The following CENPU variants were observed in gnomAD, a reference collection of about 807,000 sequenced individuals.
The protein encoded by CENPU is KSHV latent nuclear antigen interacting protein 1.
Under a neutral mutation model 56.7 loss-of-function variants are expected in CENPU, and 46 were observed. That is an observed-to-expected ratio of 0.81 (90% CI 0.64 to 1.04). The LOEUF is 1.04. Among genes scored for constraint, CENPU ranks in the 50% least tolerant of loss-of-function variants. The probability of loss-of-function intolerance (pLI) is 0.00; values close to 1 mark genes in which losing one functional copy is unlikely to be tolerated. For missense variants in CENPU, 510 were observed against 490.1 expected (o/e 1.04, Z -0.38); for synonymous variants, 166 against 163.0 (o/e 1.02, Z -0.14).
At chr4:184,716,740 C>A (rs6552805) in intron 5 of CENPU, 107 bp from the exon 6 acceptor site, 129,917 of 855,832 alleles carry the variant, frequency 0.15, 11,121 homozygotes, top group African/African-American at 0.26. Flanking sequence ...CTCACTTCTA[C>A]ACTTCAAAAT....
At chr4:184,714,036 C>A (rs1328440874) in intron 6 of CENPU, 1 of 152,266 alleles carries the variant, frequency 6.6e-6, no homozygotes, top group East Asian at 1.9e-4. Flanking sequence ...AATGGGGGCA[C>A]AGGACAAGGT....
chr4:184,699,665 T>A, intron 11 of CENPU: 5 of 1,220,428 alleles, frequency 4.1e-6, no homozygotes, highest in South Asian at 2.6e-5. Flanking sequence ...TGTGGCAGTC[T>A]CTCTTTTTTT....
chr4:184,732,248 T>TA (rs11393807), intron 1 of CENPU, among the ~76,000 whole-genome samples: 116,917 of 148,660 alleles, frequency 0.79, 46,598 homozygotes, highest in East Asian at 1. Context: ...GAATCACAGT[T>TA]AAAAAAAAAA....
intron 11 of CENPU, chr4:184,699,662 G>A: frequency 8.3e-7 from 1 of 1,208,040 alleles, no homozygotes; most frequent in Non-Finnish European, 1.1e-6. Context: ...TCCTGTGGCA[G>A]TCTCTCTTTT....
At chr4:184,710,364 C>T (rs1760881567) in intron 7 of CENPU, 184 bp from the exon 8 acceptor site, 1 of 405,140 alleles carries the variant, frequency 2.5e-6, no homozygotes. Flanking sequence ...CCCCTACATA[C>T]ACTTTCACTC....
At chr4:184,701,324 A>G (rs1760528508) in intron 10 of CENPU, among the ~76,000 whole-genome samples, 1 of 152,224 alleles carries the variant, frequency 6.6e-6, no homozygotes, top group South Asian at 2.1e-4. Context: ...ATTGTTAGAC[A>G]TTCATAATGT....
intron 2 of CENPU, among the ~76,000 whole-genome samples, chr4:184,729,787 A>G (rs7667409): frequency 0.18 from 27,119 of 152,168 alleles, 2,719 homozygotes; most frequent in African/African-American, 0.26. Flanking sequence ...AGTTCAATAT[A>G]CTGATACACC....
chr4:184,696,386 C>T (rs527997206), intron 12 of CENPU, among the ~76,000 whole-genome samples: 1 of 152,118 alleles, frequency 6.6e-6, no homozygotes, highest in Non-Finnish European at 1.5e-5. Context: ...AAGAACAGGA[C>T]GCTCATCAGG....
rs138563651 is a variant in CENPU at position 184,718,705 on chromosome 4, C to A, written c.321-1509G>T. Among the ~76,000 whole-genome samples, 34 of 152,174 alleles carry A rather than the reference C, an allele frequency of 2.2e-4. 1 individual carries two copies. In the East Asian group the frequency reaches 6.4e-3, roughly 29 times the overall value. On this transcript the variant is annotated intron_variant, in intron 4 of 12. Transcript: ENST00000281453. ...AACGGATTTTCAAGGCAGTCACGGG[C>A]CAGAAAAATAGGACTGGCCAGACAG...
At position 184,695,013 on chromosome 4, in the gene CENPU, A is replaced by C. The variant is rs6826883; in HGVS notation, c.*275T>G. ...ATGTTCACATCAACTTAATTTTACA[A>C]GTTTATTATAGCTCATACCTGGGAC... is the stretch of plus-strand genomic sequence containing the variant. On this transcript the variant is annotated 3_prime_UTR_variant, in exon 13 of 13. Coordinates refer to ENST00000281453, the MANE Select transcript of CENPU (RefSeq NM_024629.4). 0.15 allele frequency: 81,879 copies of C among 538,298 alleles called. 7,222 individuals are homozygous for C. The highest frequency in any genetic ancestry group is 0.27 in the African/African-American group (14,189 of 52,958). The allele number at this position is 538,298 out of a possible 1,614,324, so 33.3% of individuals were successfully genotyped here. A position where few individuals can be genotyped will look rare whatever the true frequency, so the allele number is the denominator to read the frequency against.
intron 7 of CENPU, among the ~76,000 whole-genome samples, chr4:184,710,993 C>T (rs976123262): frequency 7.9e-5 from 12 of 152,006 alleles, no homozygotes; most frequent in Admixed American, 7.9e-4. Context: ...GCAGCTGGGA[C>T]TACAAGTGTA....
Position 184,717,126 on chromosome 4 carries a change from T to TCC in CENPU, c.381+8_381+9dup. On this transcript the variant is annotated intron_variant, in intron 5 of 12. Transcript: ENST00000281453. Reference sequence around the variant, plus strand: ...CAAATTAAAGTAGAAGAGTGAATACTCCTACATACCTTTTTTGCACTAATT... The same window carrying TCC: ...CAAATTAAAGTAGAAGAGTGAATACTCCCCTACATACCTTTTTTGCACTAATT... The TCC allele has an allele frequency of 6.3e-7, 1 of 1,589,470 alleles. No individual in the cohort carries two copies. Among genetic ancestry groups the TCC allele is most frequent in the Non-Finnish European group, 8.6e-7 (1 of 1,160,136 alleles).
chr4:184,702,084 T>C lies in CENPU; in HGVS notation c.924+5A>G, dbSNP rs368533265. Reference sequence around the variant, plus strand: ...TCTATGACTCTAATCACATAAATAATTTACCTTAGCATTCTTCCTTTTCAG... The same window carrying C: ...TCTATGACTCTAATCACATAAATAACTTACCTTAGCATTCTTCCTTTTCAG... On this transcript the variant is annotated splice_donor_5th_base_variant and intron_variant, in intron 10 of 12. Transcript: ENST00000281453. 2 of 1,594,890 alleles carry C rather than the reference T, an allele frequency of 1.3e-6. No homozygotes were observed. The highest frequency in any genetic ancestry group is 2.7e-5 in the African/African-American group (2 of 74,434).
chr4:184,728,847 A>AT, intron 3 of CENPU, 71 bp downstream of exon 3: 4 of 1,118,222 alleles, frequency 3.6e-6, no homozygotes, highest in Non-Finnish European at 5.3e-6. Context: ...AGATACTTCT[A>AT]TTTTTTATTA....
chr4:184,728,890 T>C (rs752896315), intron 3 of CENPU, 28 bp downstream of exon 3: 20 of 1,516,160 alleles, frequency 1.3e-5, no homozygotes, highest in East Asian at 2.3e-5. Context: ...TTTAGAGTTA[T>C]GTTAGGATAA....
At position 184,729,011 on chromosome 4, in the gene CENPU, T is replaced by G; in HGVS notation, c.121A>C (p.Ile41Leu). 1 of 1,613,904 alleles carries G rather than the reference T, an allele frequency of 6.2e-7. No homozygotes were observed. Among genetic ancestry groups the G allele is most frequent in the Non-Finnish European group, 8.5e-7 (1 of 1,179,888 alleles). The part of the protein sequence containing the change: ...KDKAGQKCKP[I>L]DVFDFPDNSD... ...TTATCAGGAAAGTCGAACACGTCAA[T>G]AGGCTTGCACTTTTGACCAGCTTTC... is the stretch of plus-strand genomic sequence containing the variant. Residue 41 changes from isoleucine (I) to leucine (L), a missense_variant, in exon 3 of 13, where the codon ATT (isoleucine) becomes CTT (leucine). By Grantham distance (5) the Ile-to-Leu change is conservative (BLOSUM62 2). Coordinates refer to ENST00000281453, the MANE Select transcript of CENPU (RefSeq NM_024629.4).
At chr4:184,721,072 ACAG>A (rs1374731793) in intron 4 of CENPU, among the ~76,000 whole-genome samples, 4 of 152,180 alleles carry the variant, frequency 2.6e-5, no homozygotes, top group African/African-American at 9.7e-5. Flanking sequence ...CAAAACATAA[ACAG>A]TACAATAAAA....
intron 4 of CENPU, among the ~76,000 whole-genome samples, chr4:184,717,751 A>T (rs573845334): frequency 2.8e-4 from 42 of 152,334 alleles, no homozygotes; most frequent in African/African-American, 9.9e-4. Context: ...AAGATGGTGC[A>T]GAGTGATGAC....
At chr4:184,725,681 C>T (rs1281667272) in intron 3 of CENPU, among the ~76,000 whole-genome samples, 1 of 152,122 alleles carries the variant, frequency 6.6e-6, no homozygotes, top group Non-Finnish European at 1.5e-5. Context: ...ATATAGTGGG[C>T]CCTCAGTATT....
Sources: gnomAD v4.1 joint callset for allele counts (sites outside exome capture counted in the v4.1 genomes callset) on GRCh38, gnomAD v4.1.1 for gene constraint, MANE v1.5 for transcripts, NCBI Gene and HGNC (gene_info 2026-07-23, HGNC 2026-07-21) for gene names.